Variants in ANXA3 observed in about 807,000 individuals in gnomAD.
ANXA3 encodes the protein 35-alpha calcimedin.
A neutral mutation model predicts 48.8 loss-of-function variants in ANXA3; 46 were observed. The observed-to-expected ratio is 0.94, with a 90% confidence interval of 0.74 to 1.21. The LOEUF is 1.21. Ranked by LOEUF, ANXA3 falls within the 50% of genes most tolerant of loss-of-function variation. The pLI, the probability that ANXA3 is intolerant of heterozygous loss-of-function variation, is 0.00. For synonymous variants in ANXA3, 128 were observed against 134.7 expected, an observed-to-expected ratio of 0.95 and a Z score of 0.35; for missense variants, 383 against 378.6, an observed-to-expected ratio of 1.01 and a Z score of -0.10.
intron 6 of ANXA3, among the ~76,000 whole-genome samples, chr4:78,589,103 C>T (rs7654600): frequency 0.72 from 109,913 of 152,004 alleles, 40,226 homozygotes; most frequent in East Asian, 0.87. Flanking sequence ...TGAGGATTTT[C>T]GTCTATGTTG....
Position 78,595,457 on chromosome 4 carries a change from A to G in ANXA3, c.540+20A>G. ...GCCCAGGTCAGTAACAAAGCGGGAAAACATTTCCTTTACCTATTCTCCTAT... is the reference window on the plus strand; with the variant it reads ...GCCCAGGTCAGTAACAAAGCGGGAAGACATTTCCTTTACCTATTCTCCTAT... On this transcript the variant is annotated intron_variant, in intron 8 of 12. Transcript: ENST00000264908. The G allele has an allele frequency of 6.2e-7, 1 of 1,612,618 alleles. No homozygotes were observed. The highest frequency in any genetic ancestry group is 1.3e-5 in the African/African-American group (1 of 74,940).
Position 78,578,314 on chromosome 4 carries a change from A to C in ANXA3, c.104-713A>C, listed in dbSNP as rs887195366. Among the ~76,000 whole-genome samples, 297 of 110,304 alleles carry C rather than the reference A, an allele frequency of 2.7e-3. 5 individuals carry two copies. The highest frequency in any genetic ancestry group is 9.5e-3 in the African/African-American group (278 of 29,294). The allele number at this position is 110,304 out of a possible 152,430, so 72.4% of individuals were successfully genotyped here. Reference sequence around the variant, plus strand: ...GAGAGAGAGCGAGAGAGAGAGAGAGAGAGAGAGAGAGAGAGAAAGGGAGGG... The same window carrying C: ...GAGAGAGAGCGAGAGAGAGAGAGAGCGAGAGAGAGAGAGAGAAAGGGAGGG... On this transcript the variant is annotated intron_variant, in intron 3 of 12. Coordinates refer to ENST00000264908, the MANE Select transcript of ANXA3 (RefSeq NM_005139.3).
Position 78,605,298 on chromosome 4 carries a change from A to G in ANXA3, c.912+899A>G, listed in dbSNP as rs1723623574. Among the ~76,000 whole-genome samples the G allele has an allele frequency of 2.6e-5, 4 of 152,168 alleles. No individual in the cohort carries two copies. The South Asian group carries it at 8.3e-4, about 32-fold the overall frequency. ...ACTATAGGTAAACTTTTGGGTTTTC[A>G]TAATCTGATAGGTGAGGAATTGTAT... On this transcript the variant is annotated intron_variant, in intron 12 of 12. Transcript: ENST00000264908.
intron 6 of ANXA3, among the ~76,000 whole-genome samples, chr4:78,591,232 AC>A (rs1723288975): frequency 1.3e-5 from 2 of 152,216 alleles, no homozygotes; most frequent in Admixed American, 1.3e-4. Flanking sequence ...TGAAAGGCAC[AC>A]TAGTAGCTCA....
At chr4:78,584,639 G>A (rs1482033083) in intron 5 of ANXA3, among the ~76,000 whole-genome samples, 4 of 152,136 alleles carry the variant, frequency 2.6e-5, no homozygotes, top group Non-Finnish European at 5.9e-5. Flanking sequence ...ATAGGAAGGA[G>A]GAAAAAGAAG....
chr4:78,581,008 G>A (rs1357507708), intron 4 of ANXA3, among the ~76,000 whole-genome samples: 1 of 152,224 alleles, frequency 6.6e-6, no homozygotes, highest in Non-Finnish European at 1.5e-5. Context: ...AGTGGAATAG[G>A]ATGAGAGCTG....
chr4:78,595,295 C>T lies in ANXA3; in HGVS notation c.484-86C>T, dbSNP rs545493089. 1.6e-4 allele frequency: 228 copies of T among 1,449,478 alleles called. 2 individuals carry two copies. The African/African-American group carries it at 2.9e-3, about 19-fold the overall frequency. The allele number at this position is 1,449,478 out of a possible 1,614,324, so 89.8% of individuals were successfully genotyped here. On this transcript the variant is annotated intron_variant, in intron 7 of 12. Transcript: ENST00000264908. ...AACCTGTCCTGCCTTAAAGAAAAAC[C>T]ACTAAGATCCCCTGCTGGTTGAAGT...
At chr4:78,554,910 A>G (rs919817858) in intron 2 of ANXA3, among the ~76,000 whole-genome samples, 2 of 152,198 alleles carry the variant, frequency 1.3e-5, no homozygotes, top group Non-Finnish European at 2.9e-5. Flanking sequence ...AATGAAGAAG[A>G]TGAAATATGA....
At chr4:78,585,745 AT>A (rs1460543919) in intron 5 of ANXA3, among the ~76,000 whole-genome samples, 1 of 152,210 alleles carries the variant, frequency 6.6e-6, no homozygotes, top group African/African-American at 2.4e-5. Flanking sequence ...TCACAGTGTG[AT>A]TCAGTGACCT....
chr4:78,565,273 C>T (rs1441009948), intron 2 of ANXA3, among the ~76,000 whole-genome samples: 8 of 152,106 alleles, frequency 5.3e-5, no homozygotes, highest in Non-Finnish European at 7.3e-5. Context: ...TGAGTCACCC[C>T]ACCTGGCCCG....
rs1311401894 is a variant in ANXA3, at chr4:78,597,406, T to A, written c.722T>A (p.Leu241Ter). 3.1e-6 allele frequency: 5 copies of A among 1,604,138 alleles called. No individual in the cohort carries two copies. Among genetic ancestry groups the A allele is most frequent in the Non-Finnish European group, 4.3e-6 (5 of 1,172,912 alleles). ...TCTGGGCATTTTGAAGACTTACTGT[T>A]GGCCATAGGTAAGACTTCGAGTGCT... The part of the protein sequence containing the change: ...ELSGHFEDLL[L>*]AIVNCVRNTP... The change falls in exon 10 of 13, where the codon TTG (leucine) becomes TAG (stop). Residue 241 changes from leucine (L) to a stop codon, truncating the protein, a stop_gained. Transcript: ENST00000264908. LOFTEE classifies it high-confidence loss of function.
At chr4:78,598,672 T>C (rs1723476587) in intron 10 of ANXA3, among the ~76,000 whole-genome samples, 1 of 152,152 alleles carries the variant, frequency 6.6e-6, no homozygotes, top group Non-Finnish European at 1.5e-5. Context: ...CCTAAGTAGC[T>C]GGGATTACAG....
At chr4:78,560,112 A>T (rs1722595814) in intron 2 of ANXA3, among the ~76,000 whole-genome samples, 1 of 152,062 alleles carries the variant, frequency 6.6e-6, no homozygotes, top group African/African-American at 2.4e-5. Flanking sequence ...TCTTGTTTTC[A>T]ATATTTTATA....
intron 12 of ANXA3, among the ~76,000 whole-genome samples, chr4:78,607,735 T>C (rs114991263): frequency 0.012 from 1,868 of 152,282 alleles, 36 homozygotes; most frequent in African/African-American, 0.042. Context: ...GATTGTTGAA[T>C]ATAGAGCTAG....
chr4:78,601,414 A>C (rs1273498384), intron 10 of ANXA3, 96 bp from the exon 11 acceptor site: 2 of 1,137,160 alleles, frequency 1.8e-6, no homozygotes, highest in African/African-American at 1.5e-5. Context: ...GAGTGGTATG[A>C]CAGTCCAAAG....
chr4:78,590,863 A>AT (rs1560448386), intron 6 of ANXA3, among the ~76,000 whole-genome samples: 1 of 152,120 alleles, frequency 6.6e-6, no homozygotes, highest in African/African-American at 2.4e-5. Flanking sequence ...GTAGAAGTCT[A>AT]GACATTGGCA....
chr4:78,566,440 A>AATACTATACTATACT (rs56918808), intron 2 of ANXA3, among the ~76,000 whole-genome samples: 10 of 146,472 alleles, frequency 6.8e-5, no homozygotes, highest in African/African-American at 2.0e-4. Context: ...ATGAATGTAG[A>AATACTATACTATACT]ATACTATACT....
At chr4:78,565,603 C>T (rs1480452979) in intron 2 of ANXA3, among the ~76,000 whole-genome samples, 8 of 152,118 alleles carry the variant, frequency 5.3e-5, no homozygotes, top group African/African-American at 1.4e-4. Flanking sequence ...AGCAAATTGG[C>T]GATGAGCACA....
rs189287570 is a variant in ANXA3 at position 78,600,674 on chromosome 4, G to A, written c.731-836G>A. Reference sequence around the variant, plus strand: ...CTTAAGACAGTCTATAAGCCACGATGAGAAAGTCACTTATTCTTGTTCTGA... The same window carrying A: ...CTTAAGACAGTCTATAAGCCACGATAAGAAAGTCACTTATTCTTGTTCTGA... On this transcript the variant is annotated intron_variant, in intron 10 of 12. Coordinates refer to ENST00000264908, the MANE Select transcript of ANXA3 (RefSeq NM_005139.3). Among the ~76,000 whole-genome samples the A allele has an allele frequency of 7.9e-5, 12 of 152,226 alleles. No homozygotes were observed. In the East Asian group the frequency reaches 9.7e-4, roughly 12 times the overall value.
Sources: allele counts gnomAD v4.1 joint callset (sites outside exome capture counted in the v4.1 genomes callset), GRCh38; gene constraint gnomAD v4.1.1; transcripts MANE v1.5; gene names NCBI Gene and HGNC (gene_info 2026-07-23, HGNC 2026-07-21).